Variants in GNA12 observed in about 807,000 individuals in gnomAD.
GNA12 encodes the protein guanine nucleotide-binding protein subunit alpha-12.
GNA12 carries 9 observed loss-of-function variants against 26.0 expected under a neutral mutation model. The observed-to-expected ratio is 0.35, with a 90% CI of 0.21 to 0.60. The LOEUF (loss-of-function observed/expected upper bound fraction) is 0.60, where lower values mean the gene tolerates loss of function less well. Ranked by LOEUF, GNA12 falls within the 20% of genes least tolerant of loss-of-function variation. The probability of loss-of-function intolerance (pLI) is 0.78; values close to 1 mark genes in which losing one functional copy is unlikely to be tolerated. For synonymous variants in GNA12, 264 were observed against 219.6 expected (o/e 1.20, Z -1.79); for missense variants, 405 against 525.8 (o/e 0.77, Z 2.25).
intron 1 of GNA12, among the ~76,000 whole-genome samples, chr7:2,824,172 A>G (rs796704343): frequency 2.6e-4 from 39 of 152,322 alleles, no homozygotes; most frequent in African/African-American, 8.4e-4. Flanking sequence ...TCAGGATGAC[A>G]GCCTCTCACT....
intron 1 of GNA12, among the ~76,000 whole-genome samples, chr7:2,828,290 T>A (rs1275644394): frequency 1.3e-5 from 2 of 152,208 alleles, no homozygotes; most frequent in African/African-American, 4.8e-5. Context: ...CCTAAGGATT[T>A]GTACTATAAA....
intron 2 of GNA12, among the ~76,000 whole-genome samples, chr7:2,775,824 C>G (rs115644160): frequency 0.012 from 1,807 of 152,326 alleles, 42 homozygotes; most frequent in African/African-American, 0.041. Context: ...ACAGAGCTGG[C>G]AGAGTCCTCC....
At chr7:2,739,906 C>G (rs1226357218) in intron 2 of GNA12, among the ~76,000 whole-genome samples, 1 of 152,172 alleles carries the variant, frequency 6.6e-6, no homozygotes, top group Non-Finnish European at 1.5e-5. Context: ...CTCCTGACCT[C>G]CAGTGATCCG....
chr7:2,833,805 G>A (rs1372285968), intron 1 of GNA12, among the ~76,000 whole-genome samples: 4 of 152,070 alleles, frequency 2.6e-5, no homozygotes, highest in Non-Finnish European at 5.9e-5. Context: ...GCAGCATCAA[G>A]CCTAAAGAGG....
At chr7:2,755,352 A>G (rs990700494) in intron 2 of GNA12, among the ~76,000 whole-genome samples, 2 of 152,238 alleles carry the variant, frequency 1.3e-5, no homozygotes, top group Admixed American at 6.5e-5. Flanking sequence ...AGGGGAGAAC[A>G]GACATCTTGA....
chr7:2,827,485 G>C (rs978181805), intron 1 of GNA12, among the ~76,000 whole-genome samples: 1 of 152,216 alleles, frequency 6.6e-6, no homozygotes, highest in African/African-American at 2.4e-5. Flanking sequence ...TGTCGCGTGA[G>C]AATTCAAGCA....
chr7:2,737,199 C>T (rs1480734353), intron 2 of GNA12, among the ~76,000 whole-genome samples: 2 of 150,474 alleles, frequency 1.3e-5, no homozygotes, highest in Non-Finnish European at 3.0e-5. Context: ...ACACCAACTT[C>T]CAGCTCCTGG....
At chr7:2,795,636 AAAAAG>A (rs1202051354) in intron 1 of GNA12, among the ~76,000 whole-genome samples, 1 of 151,248 alleles carries the variant, frequency 6.6e-6, no homozygotes, top group Non-Finnish European at 1.5e-5. Context: ...TCAAAAAAAA[AAAAAG>A]AAAAGAAAAA....
At position 2,729,111 on chromosome 7, in the gene GNA12, G is replaced by C. The variant is rs1301565080; in HGVS notation, c.*2070C>G. 1 of 152,408 alleles carries C rather than the reference G, an allele frequency of 6.6e-6. No homozygotes were observed. The highest frequency in any genetic ancestry group is 2.4e-5 in the African/African-American group (1 of 41,470). The allele number at this position is 152,408 out of a possible 1,614,324, so 9.4% of individuals were successfully genotyped here. ...GTTTCAAACAACTCCCCTGCTACGC[G>C]AATCACAGCGCTGCTGTCGCCAACA... On this transcript the variant is annotated 3_prime_UTR_variant, in exon 4 of 4. Transcript: ENST00000275364.
intron 3 of GNA12, among the ~76,000 whole-genome samples, chr7:2,732,514 C>T (rs991105386): frequency 5.9e-5 from 9 of 152,142 alleles, no homozygotes; most frequent in African/African-American, 1.9e-4. Flanking sequence ...CCACTGTACT[C>T]CAGCCTGGGT....
At chr7:2,770,644 T>TAAC (rs1439136207) in intron 2 of GNA12, among the ~76,000 whole-genome samples, 3 of 96,474 alleles carry the variant, frequency 3.1e-5, no homozygotes, top group Non-Finnish European at 7.2e-5. Context: ...TCAACAACAA[T>TAAC]AACAACAACA....
rs185486324 is a variant in GNA12, at chr7:2,813,627, A to C, written c.310-18484T>G. Among the ~76,000 whole-genome samples, 19 of 152,340 alleles carry C rather than the reference A, an allele frequency of 1.2e-4. No individual in the cohort carries two copies. The East Asian group carries it at 3.5e-3, about 28-fold the overall frequency. On this transcript the variant is annotated intron_variant, in intron 1 of 3. Transcript: ENST00000275364. Reference sequence around the variant, plus strand: ...GGATGGTGAGCAAACCAATCTGTGAAGGAAATGAAAATGGAAATGGAGGCA... The same window carrying C: ...GGATGGTGAGCAAACCAATCTGTGACGGAAATGAAAATGGAAATGGAGGCA...
At chr7:2,744,241 C>G (rs1224246100) in intron 2 of GNA12, among the ~76,000 whole-genome samples, 1 of 152,226 alleles carries the variant, frequency 6.6e-6, no homozygotes, top group Non-Finnish European at 1.5e-5. Flanking sequence ...GTCCCTGACC[C>G]TGAGTAGCCT....
At position 2,736,762 on chromosome 7, in the gene GNA12, G is replaced by A. The variant is rs536745293; in HGVS notation, c.526-3261C>T. On this transcript the variant is annotated intron_variant, in intron 2 of 3. Transcript: ENST00000275364. ...CACACGCTCGGCTTGCTGCCGCTCA[G>A]AACTCCGTCAGCACCGTCAGGCAGG... is the stretch of plus-strand genomic sequence containing the variant. Among the ~76,000 whole-genome samples, 547 of 152,332 alleles carry A rather than the reference G, an allele frequency of 3.6e-3. 5 individuals are homozygous for A. The highest frequency in any genetic ancestry group is 0.022 in the South Asian group (106 of 4,824).
At chr7:2,811,467 G>A (rs951431316) in intron 1 of GNA12, among the ~76,000 whole-genome samples, 1 of 152,234 alleles carries the variant, frequency 6.6e-6, no homozygotes, top group African/African-American at 2.4e-5. Context: ...AGGAGAATAA[G>A]TGTGCTGCTT....
chr7:2,826,234 C>T (rs1346898723), intron 1 of GNA12, among the ~76,000 whole-genome samples: 1 of 151,904 alleles, frequency 6.6e-6, no homozygotes, highest in African/African-American at 2.4e-5. Context: ...AAAAATTAGC[C>T]AGGCTTGGTG....
Position 2,749,978 on chromosome 7 carries a change from A to G in GNA12, c.526-16477T>C, listed in dbSNP as rs950895435. Among the ~76,000 whole-genome samples, 5 of 152,242 alleles carry G rather than the reference A, an allele frequency of 3.3e-5. 1 individual carries two copies. The highest frequency in any genetic ancestry group is 1.2e-4 in the African/African-American group (5 of 41,468). ...GAAGAGAACAAAGAGAGTGGGGCAG[A>G]GAATGTTTTTAGAAGCAGAAAACTT... is the stretch of plus-strand genomic sequence containing the variant. On this transcript the variant is annotated intron_variant, in intron 2 of 3. Transcript: ENST00000275364.
At chr7:2,783,673 T>TATTG (rs1322855086) in intron 2 of GNA12, among the ~76,000 whole-genome samples, 1 of 148,842 alleles carries the variant, frequency 6.7e-6, no homozygotes, top group African/African-American at 2.5e-5. Flanking sequence ...TTTATTTATT[T>TATTG]ATTTATTTAT....
At chr7:2,796,151 C>A (rs1792667406) in intron 1 of GNA12, among the ~76,000 whole-genome samples, 1 of 152,172 alleles carries the variant, frequency 6.6e-6, no homozygotes, top group Non-Finnish European at 1.5e-5. Flanking sequence ...GTTTTAACAA[C>A]AACTATAGTA....
Sources: allele counts gnomAD v4.1 joint callset (sites outside exome capture counted in the v4.1 genomes callset), GRCh38; gene constraint gnomAD v4.1.1; transcripts MANE v1.5; gene names NCBI Gene and HGNC (gene_info 2026-07-23, HGNC 2026-07-21).